The following SLC16A12 variants were observed in gnomAD, a reference collection of about 807,000 sequenced individuals.
SLC16A12 encodes the protein monocarboxylate transporter 12.
Under a neutral mutation model 42.4 loss-of-function variants are expected in SLC16A12, and 17 were observed. That is an observed-to-expected ratio of 0.40 (90% CI 0.27 to 0.60). SLC16A12 has a LOEUF of 0.60. SLC16A12 is among the 20% of genes least tolerant of loss of function. The probability of loss-of-function intolerance (pLI) is 0.42; values close to 1 mark genes in which losing one functional copy is unlikely to be tolerated. For synonymous variants in SLC16A12, 224 were observed against 229.4 expected (o/e 0.98, Z 0.21); for missense variants, 544 against 623.0 (o/e 0.87, Z 1.35).
At chr10:89,467,131 T>C (rs1842414835) in intron 2 of SLC16A12, among the ~76,000 whole-genome samples, 1 of 152,232 alleles carries the variant, frequency 6.6e-6, no homozygotes, top group African/African-American at 2.4e-5. Context: ...AGCTTCTTCT[T>C]AGGCTTTTCC....
intron 2 of SLC16A12, among the ~76,000 whole-genome samples, chr10:89,486,667 A>AAAGAAAG (rs1564586009): frequency 9.2e-6 from 1 of 108,214 alleles, no homozygotes; most frequent in Non-Finnish European, 1.9e-5. Flanking sequence ...AAGAAAGAAA[A>AAAGAAAG]GAAAGAAAGA....
At chr10:89,544,817 G>A (rs1843733991) in intron 2 of SLC16A12, among the ~76,000 whole-genome samples, 1 of 149,786 alleles carries the variant, frequency 6.7e-6, no homozygotes, top group African/African-American at 2.5e-5. Context: ...GTCTAACTCT[G>A]GGGTAGATTG....
chr10:89,469,845 A>T (rs963401345), intron 2 of SLC16A12, among the ~76,000 whole-genome samples: 13 of 152,216 alleles, frequency 8.5e-5, no homozygotes, highest in Admixed American at 8.5e-4. Flanking sequence ...TATGTAAGTT[A>T]ACTGGTATAG....
intron 2 of SLC16A12, among the ~76,000 whole-genome samples, chr10:89,511,252 A>G (rs1045936091): frequency 1.6e-4 from 24 of 152,368 alleles, no homozygotes; most frequent in Admixed American, 1.2e-3. Flanking sequence ...AGGATTATAA[A>G]TCATTCTACT....
At chr10:89,538,554 G>A (rs1205393292), upstream of SLC16A12, among the ~76,000 whole-genome samples, 1 of 152,134 alleles carries the variant, frequency 6.6e-6, no homozygotes, top group Non-Finnish European at 1.5e-5. Flanking sequence ...TAGAGGCCAG[G>A]ATTTTGGTAA....
At chr10:89,537,595 G>C (rs1359378240), upstream of SLC16A12, among the ~76,000 whole-genome samples, 2 of 152,144 alleles carry the variant, frequency 1.3e-5, no homozygotes, top group Non-Finnish European at 2.9e-5. Context: ...AAATGTAGAG[G>C]CTGCCATGAG....
chr10:89,472,174 A>G (rs1842504946), intron 2 of SLC16A12, among the ~76,000 whole-genome samples: 1 of 152,178 alleles, frequency 6.6e-6, no homozygotes, highest in African/African-American at 2.4e-5. Context: ...GCATTTCTCT[A>G]TATTAGTGAA....
chr10:89,503,978 G>A (rs1292060897), intron 2 of SLC16A12, among the ~76,000 whole-genome samples: 2 of 152,132 alleles, frequency 1.3e-5, no homozygotes, highest in Non-Finnish European at 2.9e-5. Context: ...CATGTTGAGA[G>A]GAAATAAACA....
chr10:89,519,265 G>A (rs1021994708), intron 2 of SLC16A12, among the ~76,000 whole-genome samples: 12 of 142,028 alleles, frequency 8.4e-5, no homozygotes, highest in African/African-American at 3.1e-4. Flanking sequence ...ACTACGCATC[G>A]GGTACTATCC....
chr10:89,553,317 GTGGTACATTTTT>G (rs1231045320), intron 2 of SLC16A12, among the ~76,000 whole-genome samples: 1 of 152,150 alleles, frequency 6.6e-6, no homozygotes, highest in Non-Finnish European at 1.5e-5. Flanking sequence ...TACAGTCAGA[GTGGTACATTTTT>G]TGTCTTCTCA....
At chr10:89,473,954 C>T (rs1842539386) in intron 2 of SLC16A12, among the ~76,000 whole-genome samples, 1 of 152,210 alleles carries the variant, frequency 6.6e-6, no homozygotes, top group African/African-American at 2.4e-5. Context: ...AGCCAAATAT[C>T]AGCCTCACTC....
chr10:89,509,137 C>G (rs556644927), intron 2 of SLC16A12, among the ~76,000 whole-genome samples: 4 of 152,210 alleles, frequency 2.6e-5, no homozygotes, highest in African/African-American at 7.2e-5. Context: ...CAGGACCAGA[C>G]AGATTCACAG....
At chr10:89,552,729 C>T (rs1411311558) in intron 2 of SLC16A12, among the ~76,000 whole-genome samples, 17 of 152,084 alleles carry the variant, frequency 1.1e-4, no homozygotes, top group Non-Finnish European at 2.2e-4. Flanking sequence ...ATAATCGGCC[C>T]TGCCCTAACA....
chr10:89,546,105 C>T (rs573264841), intron 2 of SLC16A12, among the ~76,000 whole-genome samples: 34 of 150,582 alleles, frequency 2.3e-4, no homozygotes, highest in African/African-American at 8.5e-4. Context: ...AAAACCTAGG[C>T]AGTACCATTC....
intron 2 of SLC16A12, among the ~76,000 whole-genome samples, chr10:89,487,375 T>C (rs1284423305): frequency 6.6e-6 from 1 of 151,924 alleles, no homozygotes; most frequent in African/African-American, 2.4e-5. Context: ...AAAAGGGAAC[T>C]CTCATACATT....
At chr10:89,440,542 C>G (rs183129209) in intron 5 of SLC16A12, among the ~76,000 whole-genome samples, 83 of 152,344 alleles carry the variant, frequency 5.4e-4, no homozygotes, top group Non-Finnish European at 8.4e-4. Context: ...TCCCACAATC[C>G]TATGCAGTCT....
intron 3 of SLC16A12, among the ~76,000 whole-genome samples, chr10:89,448,164 G>A (rs535659712): frequency 6.6e-5 from 10 of 152,210 alleles, no homozygotes; most frequent in South Asian, 4.2e-4. Context: ...ATTCACAGCC[G>A]AATTCTATCA....
chr10:89,531,354 C>T (rs1035516664), intron 2 of SLC16A12, among the ~76,000 whole-genome samples: 1 of 152,070 alleles, frequency 6.6e-6, no homozygotes, highest in African/African-American at 2.4e-5. Context: ...AGTCGAAATA[C>T]ACCACTGCAC....
chr10:89,435,982 G>C (rs931012930), intron 7 of SLC16A12, 78 bp downstream of exon 7: 17 of 1,586,518 alleles, frequency 1.1e-5, no homozygotes, highest in South Asian at 5.7e-5. Context: ...CCTTCTCATT[G>C]ACTGCATGTG....
Sources: gnomAD v4.1 joint callset for allele counts (sites outside exome capture counted in the v4.1 genomes callset) on GRCh38, gnomAD v4.1.1 for gene constraint, MANE v1.5 for transcripts, NCBI Gene and HGNC (gene_info 2026-07-23, HGNC 2026-07-21) for gene names.